The following BSPH1 variants were observed in gnomAD, a reference collection of about 807,000 sequenced individuals.
BSPH1 encodes binder of sperm protein homolog 1.
A neutral mutation model predicts 22.5 loss-of-function variants in BSPH1; 21 were observed. That is an observed-to-expected ratio of 0.93 (90% CI 0.66 to 1.35). The LOEUF (loss-of-function observed/expected upper bound fraction) is 1.35. Ranked by LOEUF, BSPH1 falls within the 40% of genes most tolerant of loss-of-function variation. The probability of loss-of-function intolerance (pLI) is 0.00; values close to 1 mark genes in which losing one functional copy is unlikely to be tolerated. For synonymous variants in BSPH1, 42 were observed against 53.6 expected (o/e 0.78, Z 0.95); for missense variants, 141 against 154.2 (o/e 0.91, Z 0.45).
intron 5 of BSPH1, among the ~76,000 whole-genome samples, chr19:47,974,269 C>CTCTCTCTTT (rs57733472): frequency 5.3e-5 from 4 of 76,000 alleles, no homozygotes; most frequent in African/African-American, 2.2e-4. Flanking sequence ...CTCTCTCTCT[C>CTCTCTCTTT]TTTTTTTTTT....
intron 5 of BSPH1, among the ~76,000 whole-genome samples, chr19:47,969,768 AATTT>A (rs1969294505): frequency 7.1e-6 from 1 of 141,290 alleles, no homozygotes; most frequent in South Asian, 2.3e-4. Context: ...GAGACTTTAG[AATTT>A]ATTTGTGTGT....
intron 5 of BSPH1, among the ~76,000 whole-genome samples, chr19:47,969,658 C>T (rs2122235738): frequency 7.5e-6 from 1 of 133,656 alleles, no homozygotes; most frequent in East Asian, 2.4e-4. Context: ...TAGGAAGAAG[C>T]CACTACCTGT....
chr19:47,976,247 C>T (rs559034609), intron 5 of BSPH1, among the ~76,000 whole-genome samples: 1 of 152,242 alleles, frequency 6.6e-6, no homozygotes, highest in East Asian at 1.9e-4. Context: ...GCCTCAGCTT[C>T]CCGAGTAGCT....
chr19:47,978,296 G>T (rs1359208043), intron 3 of BSPH1, among the ~76,000 whole-genome samples: 6 of 151,860 alleles, frequency 4.0e-5, no homozygotes, highest in Admixed American at 3.9e-4. Flanking sequence ...GTAGAGATGA[G>T]ATCTCACTAT....
intron 5 of BSPH1, among the ~76,000 whole-genome samples, chr19:47,972,845 C>A (rs114164999): frequency 0.082 from 12,250 of 149,682 alleles, 892 homozygotes; most frequent in African/African-American, 0.2. Context: ...GTGTGTATAC[C>A]CACACACACA....
chr19:47,983,899 C>T lies in BSPH1; in HGVS notation c.74-2958G>A, dbSNP rs552885763. 2.0e-5 allele frequency among the ~76,000 whole-genome samples: 3 copies of T among 151,258 alleles called. No homozygotes were observed. The East Asian group carries it at 5.8e-4, about 29-fold the overall frequency. On this transcript the variant is annotated intron_variant, in intron 1 of 5. Transcript: ENST00000344839. ...TCACCCAGGCTGGAGTGTAGTGGCA[C>T]GATCTCGGCTCACTGCAACCTCTGC...
At position 47,975,649 on chromosome 19, in the gene BSPH1, A is replaced by ATT. The variant is rs199878812; in HGVS notation, c.*2+1059_*2+1060dup. Among the ~76,000 whole-genome samples, 656 of 124,804 alleles carry ATT rather than the reference A, an allele frequency of 5.3e-3. 6 individuals carry two copies. The highest frequency in any genetic ancestry group is 6.7e-3 in the African/African-American group (226 of 33,664). The allele number at this position is 124,804 out of a possible 152,430, so 81.9% of individuals were successfully genotyped here. A position where few individuals can be genotyped will look rare whatever the true frequency, so the allele number is the denominator to read the frequency against. On this transcript the variant is annotated intron_variant, in intron 5 of 5. Transcript: ENST00000344839. ...GAAATATTCTTTATTAAGGTAATGC[A>ATT]TTTTTTTTTTTTTTTTTTTTTTTTG...
chr19:47,977,459 T>G lies in BSPH1; in HGVS notation c.170A>C (p.Tyr57Ser), dbSNP rs185872432. The G allele has an allele frequency of 6.4e-6, 10 of 1,551,828 alleles. No homozygotes were observed. The East Asian group carries it at 2.2e-4, about 34-fold the overall frequency. ...FPFHYKNGTY[Y>S]DCIKSKARHK... ...TCTTGCCTTGGACTTGATGCAGTCA[T>G]AATATGTTCCATTTTTATAGTGGAA... is the stretch of plus-strand genomic sequence containing the variant. The change falls in exon 4 of 6, where the codon TAT becomes TCT. Residue 57 changes from tyrosine (Y) to serine (S), a missense_variant. Tyr to Ser is a moderately radical substitution (Grantham distance 144). Transcript: ENST00000344839.
At chr19:47,971,831 C>T (rs937832983) in intron 5 of BSPH1, among the ~76,000 whole-genome samples, 8 of 152,070 alleles carry the variant, frequency 5.3e-5, no homozygotes, top group African/African-American at 1.5e-4. Context: ...CCTAAGAACA[C>T]GCGTCTTGTT....
chr19:47,982,050 T>C (rs905677406), intron 1 of BSPH1, among the ~76,000 whole-genome samples: 1 of 152,186 alleles, frequency 6.6e-6, no homozygotes, highest in African/African-American at 2.4e-5. Flanking sequence ...AGAATAAATA[T>C]AGAGTGAAAA....
At chr19:47,984,179 T>A (rs7508330) in intron 1 of BSPH1, among the ~76,000 whole-genome samples, 98,307 of 144,818 alleles carry the variant, frequency 0.68, 33,771 homozygotes, top group African/African-American at 0.76. Context: ...TATATATATA[T>A]AATATAAATA....
At chr19:47,978,488 A>T (rs542273773) in intron 3 of BSPH1, among the ~76,000 whole-genome samples, 2 of 152,270 alleles carry the variant, frequency 1.3e-5, no homozygotes, top group East Asian at 3.9e-4. Context: ...GATTTTTCCT[A>T]CTGTAAATAC....
At chr19:47,991,926 C>A in intron 1 of BSPH1, 83 bp downstream of exon 1, 1 of 870,314 alleles carries the variant, frequency 1.1e-6, no homozygotes, top group South Asian at 1.6e-5. Context: ...TCATCCCCAC[C>A]TTCTCCCTCC....
intron 5 of BSPH1, among the ~76,000 whole-genome samples, chr19:47,970,758 T>C (rs1969304484): frequency 6.6e-6 from 1 of 152,184 alleles, no homozygotes; most frequent in Non-Finnish European, 1.5e-5. Context: ...TGCCGTGATG[T>C]GGCAATGGGA....
At chr19:47,976,141 A>G (rs1017623333) in intron 5 of BSPH1, among the ~76,000 whole-genome samples, 30 of 151,786 alleles carry the variant, frequency 2.0e-4, no homozygotes, top group Non-Finnish European at 5.9e-5. Flanking sequence ...AAAATCCATA[A>G]GCTTATTTTA....
rs560682898 is a variant in BSPH1 at position 47,981,323 on chromosome 19, A to G, written c.74-382T>C. ...CTGAATACCTGAATTCTACTATTAG[A>G]GATTCATGTCTTTGGAGTTGCCACT... On this transcript the variant is annotated intron_variant, in intron 1 of 5. Coordinates refer to ENST00000344839, the MANE Select transcript of BSPH1 (RefSeq NM_001128326.2). 2.6e-5 allele frequency among the ~76,000 whole-genome samples: 4 copies of G among 152,276 alleles called. No homozygotes were observed. In the East Asian group the frequency reaches 7.7e-4, roughly 29 times the overall value.
At chr19:47,988,188 A>T (rs6509356) in intron 1 of BSPH1, among the ~76,000 whole-genome samples, 1 of 151,764 alleles carries the variant, frequency 6.6e-6, no homozygotes, top group Admixed American at 6.6e-5. Flanking sequence ...AAGTAGTTAA[A>T]CTCACTCTGT....
intron 5 of BSPH1, among the ~76,000 whole-genome samples, chr19:47,968,716 G>C (rs1289873001): frequency 1.4e-5 from 2 of 146,272 alleles, no homozygotes; most frequent in Non-Finnish European, 3.0e-5. Context: ...AATCACTGAT[G>C]GACCAGGCAC....
chr19:47,975,301 G>T (rs1215097650), intron 5 of BSPH1, among the ~76,000 whole-genome samples: 19 of 152,278 alleles, frequency 1.2e-4, no homozygotes, highest in Admixed American at 2.0e-4. Flanking sequence ...AAAGTGCTGG[G>T]ATTACAGGCG....
Sources: gnomAD v4.1 joint callset for allele counts (sites outside exome capture counted in the v4.1 genomes callset) on GRCh38, gnomAD v4.1.1 for gene constraint, MANE v1.5 for transcripts, NCBI Gene and HGNC (gene_info 2026-07-23, HGNC 2026-07-21) for gene names.